Variants in ADCYAP1R1 observed in about 807,000 individuals in gnomAD.
ADCYAP1R1 encodes the protein pituitary adenylate cyclase-activating polypeptide type I receptor.
Under a neutral mutation model 67.6 loss-of-function variants are expected in ADCYAP1R1, and 44 were observed. The observed-to-expected ratio is 0.65, with a 90% confidence interval of 0.51 to 0.84. The LOEUF (loss-of-function observed/expected upper bound fraction) is 0.84. ADCYAP1R1 is among the 40% of genes least tolerant of loss of function. The pLI, the probability that ADCYAP1R1 is intolerant of heterozygous loss-of-function variation, is 0.00. For synonymous variants in ADCYAP1R1, 222 were observed against 219.6 expected, an observed-to-expected ratio of 1.01 and a Z score of -0.10; for missense variants, 477 against 587.9, an observed-to-expected ratio of 0.81 and a Z score of 1.95.
intron 13 of ADCYAP1R1, 145 bp from the exon 14 acceptor site, chr7:31,103,092 C>T (rs1052707524): frequency 5.1e-6 from 6 of 1,167,978 alleles, no homozygotes; most frequent in South Asian, 1.6e-5. Flanking sequence ...GCCACTTGTA[C>T]TGGGAGAGAA....
Position 31,103,355 on chromosome 7 carries a change from G to A in ADCYAP1R1, c.1165G>A (p.Gly389Ser). ...AAGACTCGTGTTTGAGCTGGGGCTG[G>A]GCTCCTTCCAGGTAGGTGTGGCACA... ...RERLVFELGL[G>S]SFQGFVVAVL... The change falls in exon 14 of 16, where the codon GGC (glycine) becomes AGC (serine). Residue 389 changes from glycine to serine, a missense_variant. By Grantham distance (56) the Gly-to-Ser change is moderately conservative. Coordinates refer to ENST00000304166, the MANE Select transcript of ADCYAP1R1 (RefSeq NM_001118.5). 1.2e-6 allele frequency: 2 copies of A among 1,614,202 alleles called. No individual in the cohort carries two copies. The highest frequency in any genetic ancestry group is 1.7e-6 in the Non-Finnish European group (2 of 1,180,036).
intron 1 of ADCYAP1R1, among the ~76,000 whole-genome samples, chr7:31,052,913 A>G (rs1279495469): frequency 6.6e-6 from 1 of 151,254 alleles, no homozygotes; most frequent in Non-Finnish European, 1.5e-5. Flanking sequence ...ACACCCCCCA[A>G]CCCAAGTGTC....
Position 31,106,890 on chromosome 7 carries a change from G to A in ADCYAP1R1, c.*206G>A, listed in dbSNP as rs981122801. On this transcript the variant is annotated 3_prime_UTR_variant, in exon 16 of 16. Coordinates refer to ENST00000304166, the MANE Select transcript of ADCYAP1R1 (RefSeq NM_001118.5). The stretch of plus-strand genomic sequence containing the variant: ...CTGGTCCCACCCACTGTGGTCCCCT[G>A]GGCCCTGACCCCAGACATGTAAATA... 5 of 605,262 alleles carry A rather than the reference G, an allele frequency of 8.3e-6. No homozygotes were observed. The highest frequency in any genetic ancestry group is 1.4e-5 in the Non-Finnish European group (5 of 363,022). The allele number at this position is 605,262 out of a possible 1,614,324, so 37.5% of individuals were successfully genotyped here. A position where few individuals can be genotyped will look rare whatever the true frequency, so the allele number is the denominator to read the frequency against.
chr7:31,069,077 G>A (rs957948184), intron 3 of ADCYAP1R1, among the ~76,000 whole-genome samples: 4 of 152,078 alleles, frequency 2.6e-5, no homozygotes, highest in Non-Finnish European at 4.4e-5. Flanking sequence ...GGTTGGGGGG[G>A]TCCATGCAGA....
intron 2 of ADCYAP1R1, 84 bp downstream of exon 2, chr7:31,063,399 C>T (rs1171300864): frequency 3.4e-6 from 5 of 1,481,144 alleles, no homozygotes; most frequent in Non-Finnish European, 4.7e-6. Context: ...TCTGTACCCT[C>T]AGCTCAGCTC....
chr7:31,071,346 A>C (rs374208476), intron 3 of ADCYAP1R1, among the ~76,000 whole-genome samples: 1 of 152,088 alleles, frequency 6.6e-6, no homozygotes, highest in East Asian at 1.9e-4. Context: ...GCAGCTAGGG[A>C]GAGTGTACGC....
intron 4 of ADCYAP1R1, among the ~76,000 whole-genome samples, chr7:31,079,674 GTCCCAGGTCCCCCCGTCTCTGGC>G (rs1795431676): frequency 6.6e-6 from 1 of 152,210 alleles, no homozygotes; most frequent in East Asian, 1.9e-4. Flanking sequence ...TGTGTTGGGG[GTCCCAGGTCCCCCCGTCTCTGGC>G]TCCCACCCCA....
chr7:31,089,174 T>G (rs77438768), intron 12 of ADCYAP1R1, among the ~76,000 whole-genome samples: 328 of 152,302 alleles, frequency 2.2e-3, no homozygotes, highest in African/African-American at 7.4e-3. Flanking sequence ...GGAAAGCTAT[T>G]GTTTTTTATG....
intron 3 of ADCYAP1R1, 32 bp downstream of exon 3, chr7:31,064,968 C>A: frequency 6.6e-7 from 1 of 1,517,874 alleles, no homozygotes; most frequent in Non-Finnish European, 9.0e-7. Flanking sequence ...ATGCCACGTC[C>A]CCAGTGCCAG....
At position 31,086,136 on chromosome 7, in the gene ADCYAP1R1, TG is replaced by T. The variant is rs760250886; in HGVS notation, c.670-246del. Among the ~76,000 whole-genome samples, 7 of 152,316 alleles carry T rather than the reference TG, an allele frequency of 4.6e-5. No homozygotes were observed. Among genetic ancestry groups the T allele is most frequent in the African/African-American group, 1.4e-4 (6 of 41,570 alleles). On this transcript the variant is annotated intron_variant, in intron 9 of 15. Coordinates refer to ENST00000304166, the MANE Select transcript of ADCYAP1R1 (RefSeq NM_001118.5). This position sits in a 1 kb window ranked among gnomAD's most constrained non-coding sequence, Gnocchi z 5.0. ...AGCAGGAAAGTGAAGGAGGATGAGCTGGTGGTGGGGAGGCTCTGTGTCTGCC... is the reference window on the plus strand; with the variant it reads ...AGCAGGAAAGTGAAGGAGGATGAGCTGTGGTGGGGAGGCTCTGTGTCTGCC...
At chr7:31,078,167 C>A in intron 4 of ADCYAP1R1, 69 bp downstream of exon 4, 2 of 1,336,912 alleles carry the variant, frequency 1.5e-6, no homozygotes, top group Non-Finnish European at 2.1e-6. Flanking sequence ...CCCAGGCAAG[C>A]ACCAAGGACA....
At chr7:31,104,726 A>T in intron 14 of ADCYAP1R1, 142 bp from the exon 15 acceptor site, 1 of 935,556 alleles carries the variant, frequency 1.1e-6, no homozygotes, top group Non-Finnish European at 1.7e-6. Flanking sequence ...GAACTGTCCC[A>T]TCTTACCCCA....
chr7:31,086,003 TC>T lies in ADCYAP1R1; in HGVS notation c.670-375del. 6.6e-6 allele frequency among the ~76,000 whole-genome samples: 1 copy of T among 152,056 alleles called. No individual in the cohort carries two copies. The highest frequency in any genetic ancestry group is 1.5e-5 in the Non-Finnish European group (1 of 68,004). ...GATTTCTGGAAGCTAGGAATATGTATCCCCCCACCTGAAAGGTGTCCAAATC... is the reference window on the plus strand; with the variant it reads ...GATTTCTGGAAGCTAGGAATATGTATCCCCCACCTGAAAGGTGTCCAAATC... On this transcript the variant is annotated intron_variant, in intron 9 of 15. Transcript: ENST00000304166. The surrounding 1 kb of genome is among the most constrained non-coding windows in gnomAD (Gnocchi z 5.0).
chr7:31,064,537 C>T (rs1694285182), intron 2 of ADCYAP1R1, among the ~76,000 whole-genome samples: 1 of 152,168 alleles, frequency 6.6e-6, no homozygotes, highest in Non-Finnish European at 1.5e-5. Flanking sequence ...AATGCATGCA[C>T]AGAGTGAAGT....
intron 5 of ADCYAP1R1, 147 bp downstream of exon 5, chr7:31,080,780 C>A: frequency 1.3e-6 from 1 of 798,900 alleles, no homozygotes; most frequent in East Asian, 2.7e-5. Flanking sequence ...TTCCTCCTTC[C>A]TTCCTCCCCT....
At chr7:31,070,499 G>A (rs75286760) in intron 3 of ADCYAP1R1, among the ~76,000 whole-genome samples, 3,663 of 152,276 alleles carry the variant, frequency 0.024, 100 homozygotes, top group South Asian at 0.061. Context: ...TCCTCTCTAC[G>A]TTCAATAGAG....
chr7:31,084,420 C>A (rs1025642422), intron 7 of ADCYAP1R1, among the ~76,000 whole-genome samples, 170 bp downstream of exon 7: 9 of 152,224 alleles, frequency 5.9e-5, no homozygotes, highest in Admixed American at 4.6e-4. Flanking sequence ...ATTAATGCCA[C>A]TGGGTTAATG....
intron 14 of ADCYAP1R1, among the ~76,000 whole-genome samples, chr7:31,104,462 G>A (rs1650863664): frequency 6.6e-6 from 1 of 152,204 alleles, no homozygotes; most frequent in Non-Finnish European, 1.5e-5. Context: ...GGAGATGATG[G>A]TGGACAAGGA....
At chr7:31,071,667 C>A (rs2284222) in intron 3 of ADCYAP1R1, among the ~76,000 whole-genome samples, 9,736 of 152,156 alleles carry the variant, frequency 0.064, 360 homozygotes, top group Middle Eastern at 0.13. Context: ...TGTTGGGGCC[C>A]GGCCTATTCT....
Sources: allele counts gnomAD v4.1 joint callset (sites outside exome capture counted in the v4.1 genomes callset), GRCh38; gene constraint gnomAD v4.1.1; non-coding constraint Gnocchi (gnomAD v3.1); transcripts MANE v1.5; gene names NCBI Gene and HGNC (gene_info 2026-07-23, HGNC 2026-07-21).